Variants in CNTNAP2 observed in about 807,000 individuals in gnomAD.
CNTNAP2 encodes the protein contactin-associated protein-like 2.
A neutral mutation model predicts 155.2 loss-of-function variants in CNTNAP2; 98 were observed. The ratio of observed to expected loss-of-function variants is 0.63; its 90% confidence interval spans 0.54 to 0.75. The LOEUF is 0.75. Among genes scored for constraint, CNTNAP2 ranks in the 30% least tolerant of loss-of-function variants. CNTNAP2 has a pLI of 0.00. For missense variants in CNTNAP2, 1,727 were observed against 1,688.1 expected (o/e 1.02, Z -0.40); for synonymous variants, 651 against 631.2 (o/e 1.03, Z -0.47).
At chr7:146,651,470 C>T (rs1948489) in intron 1 of CNTNAP2, among the ~76,000 whole-genome samples, 24,964 of 152,070 alleles carry the variant, frequency 0.16, 2,747 homozygotes, top group East Asian at 0.47. Context: ...ATAATAGGAA[C>T]TTACGTACTT....
chr7:146,804,397 T>C (rs1802932105), intron 2 of CNTNAP2, among the ~76,000 whole-genome samples: 1 of 152,198 alleles, frequency 6.6e-6, no homozygotes, highest in Non-Finnish European at 1.5e-5. Flanking sequence ...TGAATGTTTC[T>C]TGCTAAACTC....
intron 13 of CNTNAP2, among the ~76,000 whole-genome samples, chr7:147,820,678 T>C (rs1798347186): frequency 1.3e-5 from 2 of 152,132 alleles, no homozygotes; most frequent in Non-Finnish European, 2.9e-5. Context: ...AATTTCAAAT[T>C]AATTTGTGTA....
chr7:146,973,156 G>C (rs1303755045), intron 3 of CNTNAP2, among the ~76,000 whole-genome samples: 1 of 152,098 alleles, frequency 6.6e-6, no homozygotes, highest in Non-Finnish European at 1.5e-5. Flanking sequence ...CGCCTCCTTA[G>C]TAGCTGGAAT....
intron 4 of CNTNAP2, among the ~76,000 whole-genome samples, chr7:147,062,280 A>T (rs573840638): frequency 4.0e-5 from 6 of 151,130 alleles, no homozygotes; most frequent in Admixed American, 2.6e-4. Context: ...ATTGTGATTT[A>T]TATGTCACAA....
intron 15 of CNTNAP2, among the ~76,000 whole-genome samples, chr7:148,048,702 G>A (rs17170809): frequency 0.024 from 3,674 of 152,248 alleles, 85 homozygotes; most frequent in East Asian, 0.084. Flanking sequence ...TAGCCTGGGA[G>A]TCAAGAACAG....
chr7:146,431,028 G>A (rs1233274535), intron 1 of CNTNAP2, among the ~76,000 whole-genome samples: 1 of 151,992 alleles, frequency 6.6e-6, no homozygotes, highest in East Asian at 1.9e-4. Flanking sequence ...GAGAACTGCT[G>A]TAATTACAGT....
intron 1 of CNTNAP2, among the ~76,000 whole-genome samples, chr7:146,580,426 G>T (rs1432884183): frequency 2.7e-5 from 4 of 148,916 alleles, no homozygotes; most frequent in Admixed American, 6.7e-5. Flanking sequence ...TACAATTACA[G>T]AATCCTCAGA....
chr7:146,809,736 C>G (rs1177289466), intron 2 of CNTNAP2, among the ~76,000 whole-genome samples: 1 of 152,090 alleles, frequency 6.6e-6, no homozygotes, highest in African/African-American at 2.4e-5. Context: ...AATTGAGTTC[C>G]TTATATATTC....
chr7:148,398,936 T>G (rs768684320), intron 22 of CNTNAP2, among the ~76,000 whole-genome samples: 4 of 152,244 alleles, frequency 2.6e-5, no homozygotes, highest in Non-Finnish European at 5.9e-5. Context: ...TGCTTTCCTC[T>G]TTTAACTATC....
chr7:146,777,295 A>T (rs1355484144), intron 2 of CNTNAP2, among the ~76,000 whole-genome samples: 3 of 152,226 alleles, frequency 2.0e-5, no homozygotes, highest in Non-Finnish European at 4.4e-5. Flanking sequence ...TTTGCTTATC[A>T]GCGTTATGCT....
intron 11 of CNTNAP2, among the ~76,000 whole-genome samples, chr7:147,559,479 G>T (rs1800017731): frequency 6.6e-6 from 1 of 152,176 alleles, no homozygotes; most frequent in Non-Finnish European, 1.5e-5. Context: ...TGGTTAAAAA[G>T]CACACTTTAG....
At chr7:147,877,119 G>A (rs1213073114) in intron 13 of CNTNAP2, among the ~76,000 whole-genome samples, 3 of 151,840 alleles carry the variant, frequency 2.0e-5, no homozygotes, top group African/African-American at 7.3e-5. Flanking sequence ...TGGTTTTGGT[G>A]TTCAGACACA....
chr7:147,938,421 C>T (rs897406830), intron 14 of CNTNAP2, among the ~76,000 whole-genome samples: 4 of 151,490 alleles, frequency 2.6e-5, no homozygotes, highest in East Asian at 1.9e-4. Context: ...AGAGGAAACA[C>T]GAAGAATTAA....
chr7:147,183,507 GC>G (rs1358997410), intron 8 of CNTNAP2, among the ~76,000 whole-genome samples: 1 of 152,102 alleles, frequency 6.6e-6, no homozygotes, highest in African/African-American at 2.4e-5. Context: ...CTCGTTAGTT[GC>G]CTTTTCAGCA....
At chr7:147,422,334 C>A (rs1041672571) in intron 10 of CNTNAP2, among the ~76,000 whole-genome samples, 12 of 150,710 alleles carry the variant, frequency 8.0e-5, no homozygotes, top group African/African-American at 2.9e-4. Context: ...ATGGCTCTAC[C>A]CTGAATTTAT....
At chr7:147,798,554 G>T (rs1311547865) in intron 13 of CNTNAP2, among the ~76,000 whole-genome samples, 1 of 152,154 alleles carries the variant, frequency 6.6e-6, no homozygotes, top group Non-Finnish European at 1.5e-5. Context: ...AGCTACAGAT[G>T]TAACATCTAG....
intron 13 of CNTNAP2, among the ~76,000 whole-genome samples, chr7:147,803,038 A>G (rs1025018109): frequency 4.6e-5 from 7 of 152,216 alleles, no homozygotes; most frequent in African/African-American, 1.7e-4. Context: ...GAACAAGAGA[A>G]AAATTTACGA....
At chr7:146,582,089 A>G (rs1798620355) in intron 1 of CNTNAP2, among the ~76,000 whole-genome samples, 1 of 152,138 alleles carries the variant, frequency 6.6e-6, no homozygotes, top group Non-Finnish European at 1.5e-5. Context: ...ACTCTAGTGA[A>G]AGTTAATGGG....
chr7:146,740,393 G>A (rs374693310), intron 1 of CNTNAP2, among the ~76,000 whole-genome samples: 2 of 149,962 alleles, frequency 1.3e-5, no homozygotes, highest in East Asian at 2.0e-4. Context: ...GAAGTTCTCC[G>A]AGCTTCTTTA....
Sources: allele counts gnomAD v4.1 joint callset (sites outside exome capture counted in the v4.1 genomes callset), GRCh38; gene constraint gnomAD v4.1.1; transcripts MANE v1.5; gene names NCBI Gene and HGNC (gene_info 2026-07-23, HGNC 2026-07-21).